The following DPYSL3 variants were observed in gnomAD, a reference collection of about 807,000 sequenced individuals.
DPYSL3 encodes the protein dihydropyrimidinase-related protein 3.
Under a neutral mutation model 66.1 loss-of-function variants are expected in DPYSL3, and 16 were observed. The observed-to-expected ratio is 0.24, with a 90% CI of 0.16 to 0.37. DPYSL3 has a LOEUF of 0.37. Among genes scored for constraint, DPYSL3 ranks in the 10% least tolerant of loss-of-function variants. The pLI is 1.00. For synonymous variants in DPYSL3, 338 were observed against 345.1 expected, an observed-to-expected ratio of 0.98 and a Z score of 0.23; for missense variants, 738 against 916.2, an observed-to-expected ratio of 0.81 and a Z score of 2.51.
At chr5:147,440,856 T>A (rs1483068675) in intron 1 of DPYSL3, among the ~76,000 whole-genome samples, 1 of 152,144 alleles carries the variant, frequency 6.6e-6, no homozygotes, top group Non-Finnish European at 1.5e-5. Flanking sequence ...GTACAGTAAG[T>A]GAGGGTTTTC....
intron 1 of DPYSL3, among the ~76,000 whole-genome samples, chr5:147,444,992 T>C (rs1752604726): frequency 1.3e-5 from 2 of 152,096 alleles, no homozygotes; most frequent in Admixed American, 6.6e-5. Flanking sequence ...GTAGTTTACG[T>C]GCAAAGGCAG....
chr5:147,424,769 T>C (rs1331323695), intron 2 of DPYSL3, 106 bp downstream of exon 2: 9 of 863,852 alleles, frequency 1.0e-5, no homozygotes, highest in Non-Finnish European at 1.6e-5. Context: ...TTCTGTTGAT[T>C]AAATTAAGAT....
intron 1 of DPYSL3, among the ~76,000 whole-genome samples, chr5:147,467,000 GC>G (rs1372494421): frequency 6.6e-6 from 1 of 151,956 alleles, no homozygotes. Context: ...TATTGATTTG[GC>G]CACCTCTACA....
At chr5:147,470,237 C>G (rs1753066296) in intron 1 of DPYSL3, among the ~76,000 whole-genome samples, 1 of 152,184 alleles carries the variant, frequency 6.6e-6, no homozygotes, top group Non-Finnish European at 1.5e-5. Flanking sequence ...TGTTGACCTT[C>G]AGAGCACTCC....
intron 1 of DPYSL3, among the ~76,000 whole-genome samples, chr5:147,464,582 AC>A (rs1752984575): frequency 6.6e-6 from 1 of 152,176 alleles, no homozygotes; most frequent in Admixed American, 6.5e-5. Context: ...TATGTATAGT[AC>A]CTTTGTGAAC....
At chr5:147,435,833 A>C (rs756739323) in intron 1 of DPYSL3, among the ~76,000 whole-genome samples, 1 of 152,250 alleles carries the variant, frequency 6.6e-6, no homozygotes, top group Non-Finnish European at 1.5e-5. Context: ...AAATTACTTA[A>C]CAAAGTGTGG....
chr5:147,397,844 G>C lies in DPYSL3; in HGVS notation c.1625C>G (p.Ala542Gly), dbSNP rs758085369. 1 of 1,599,684 alleles carries C rather than the reference G, an allele frequency of 6.3e-7. No individual in the cohort carries two copies. The highest frequency in any genetic ancestry group is 1.1e-5 in the South Asian group (1 of 90,160). Residue 542 changes from alanine to glycine, a missense_variant and splice_region_variant, in exon 12 of 14, where the codon GCG (alanine) becomes GGG (glycine). Transcript: ENST00000343218. ...CCCTTCAAAGATGTTGTACTCTGCC[G>C]CCTAGAGGCAGGGGTGAGAAGCAAA... ...KIVSAKNHQS[A>G]AEYNIFEGME... is the part of the protein sequence containing the mutation.
At chr5:147,493,373 G>A (rs1753444930) in intron 1 of DPYSL3, among the ~76,000 whole-genome samples, 1 of 152,146 alleles carries the variant, frequency 6.6e-6, no homozygotes, top group South Asian at 2.1e-4. Flanking sequence ...GAGAGTTTGA[G>A]ACCAGCCTGA....
intron 2 of DPYSL3, among the ~76,000 whole-genome samples, chr5:147,422,291 C>T (rs1752096548): frequency 2.0e-5 from 3 of 152,098 alleles, no homozygotes; most frequent in African/African-American, 4.8e-5. Context: ...CAAATCAAAA[C>T]CATAATGAGA....
rs1232481220 is a variant in DPYSL3, at chr5:147,497,413, A to T, written c.381+12065T>A. 4.6e-5 allele frequency among the ~76,000 whole-genome samples: 7 copies of T among 152,116 alleles called. No homozygotes were observed. The East Asian group carries it at 9.6e-4, about 21-fold the overall frequency. Reference sequence around the variant, plus strand: ...CTTAAAGTATAATAATAATAAAATTAAAAAAAGAAAAGCAAACTACAGATC... The same window carrying T: ...CTTAAAGTATAATAATAATAAAATTTAAAAAAGAAAAGCAAACTACAGATC... On this transcript the variant is annotated intron_variant, in intron 1 of 13. Coordinates refer to ENST00000343218, the MANE Select transcript of DPYSL3 (RefSeq NM_001197294.2).
intron 1 of DPYSL3, among the ~76,000 whole-genome samples, chr5:147,496,704 C>G (rs1411643128): frequency 6.6e-6 from 1 of 151,984 alleles, no homozygotes; most frequent in African/African-American, 2.4e-5. Context: ...AATGAGATAC[C>G]ATCTCACACC....
intron 12 of DPYSL3, among the ~76,000 whole-genome samples, chr5:147,397,279 C>T (rs1469297645): frequency 6.6e-6 from 1 of 151,518 alleles, no homozygotes; most frequent in African/African-American, 2.4e-5. Flanking sequence ...TAAGTGTTTG[C>T]CCCTGTGGAG....
intron 1 of DPYSL3, among the ~76,000 whole-genome samples, chr5:147,486,273 T>C (rs1753327665): frequency 6.6e-6 from 1 of 152,234 alleles, no homozygotes; most frequent in Non-Finnish European, 1.5e-5. Context: ...TTTATACTTC[T>C]GAATTGTACT....
At position 147,509,488 on chromosome 5, in the gene DPYSL3, G is replaced by A. The variant is rs1753726864; in HGVS notation, c.371C>T (p.Pro124Leu). ...CCGGGGCCCCCTTACCTTGTCCTTG[G>A]GGCCGAGGTTCTGCAACACCTCTTT... ...TGKEVLQNLG[P>L]KDKSDRLLIK... The change falls in exon 1 of 14, where the codon CCC becomes CTC. Residue 124 changes from proline (P) to leucine (L), a missense_variant. Coordinates refer to ENST00000343218, the MANE Select transcript of DPYSL3 (RefSeq NM_001197294.2). The surrounding 1 kb of genome is among the most constrained non-coding windows in gnomAD (Gnocchi z 5.3). 1 of 1,523,806 alleles carries A rather than the reference G, an allele frequency of 6.6e-7. No individual in the cohort carries two copies. The highest frequency in any genetic ancestry group is 8.8e-7 in the Non-Finnish European group (1 of 1,140,608). The allele number at this position is 1,523,806 out of a possible 1,614,324, so 94.4% of individuals were successfully genotyped here. A position where few individuals can be genotyped will look rare whatever the true frequency, so the allele number is the denominator to read the frequency against.
Position 147,510,026 on chromosome 5 carries a change from C to A in DPYSL3, c.-168G>T, listed in dbSNP as rs1753737742. On this transcript the variant is annotated 5_prime_UTR_variant, in exon 1 of 14. Coordinates refer to ENST00000343218, the MANE Select transcript of DPYSL3 (RefSeq NM_001197294.2). Reference sequence around the variant, plus strand: ...TTCCTGCTTGTCCCTAGCGAGCCAGCGAGCCACACAGCCAGCTAGCGCGCG... The same window carrying A: ...TTCCTGCTTGTCCCTAGCGAGCCAGAGAGCCACACAGCCAGCTAGCGCGCG... 1 of 1,172,632 alleles carries A rather than the reference C, an allele frequency of 8.5e-7. No individual in the cohort carries two copies. Among genetic ancestry groups the A allele is most frequent in the Non-Finnish European group, 1.1e-6 (1 of 872,120 alleles). 72.6% of individuals were successfully genotyped at this position (1,172,632 alleles called of 1,614,324 possible). A position where few individuals can be genotyped will look rare whatever the true frequency, so the allele number is the denominator to read the frequency against.
intron 1 of DPYSL3, among the ~76,000 whole-genome samples, chr5:147,465,882 C>T (rs1753001915): frequency 6.6e-6 from 1 of 152,144 alleles, no homozygotes; most frequent in South Asian, 2.1e-4. Context: ...TTTTCTCTTC[C>T]CTTCCACAGA....
At chr5:147,459,549 T>C (rs1428689811) in intron 1 of DPYSL3, among the ~76,000 whole-genome samples, 1 of 151,922 alleles carries the variant, frequency 6.6e-6, no homozygotes, top group African/African-American at 2.4e-5. Context: ...TGTCTACACA[T>C]TGAATACAGA....
chr5:147,426,307 C>A (rs2126334120), intron 1 of DPYSL3, among the ~76,000 whole-genome samples: 1 of 152,084 alleles, frequency 6.6e-6, no homozygotes, highest in Middle Eastern at 3.4e-3. Context: ...AGTTTTGTTT[C>A]TCTGAAAACC....
intron 4 of DPYSL3, 63 bp downstream of exon 4, chr5:147,415,646 G>T: frequency 6.4e-7 from 1 of 1,561,282 alleles, no homozygotes; most frequent in Non-Finnish European, 8.7e-7. Flanking sequence ...ATGAGTGGAT[G>T]GTGTTGGAAG....
Sources: gnomAD v4.1 joint callset for allele counts (sites outside exome capture counted in the v4.1 genomes callset) on GRCh38, gnomAD v4.1.1 for gene constraint, Gnocchi (gnomAD v3.1) non-coding constraint, MANE v1.5 for transcripts, NCBI Gene and HGNC (gene_info 2026-07-23, HGNC 2026-07-21) for gene names.